GPC5: variants seen among roughly 807,000 people sequenced by gnomAD.
The protein encoded by GPC5 is glypican-5.
GPC5 carries 47 observed loss-of-function variants against 53.9 expected under a neutral mutation model. The observed-to-expected ratio is 0.87, with a 90% CI of 0.69 to 1.11. The LOEUF (loss-of-function observed/expected upper bound fraction) is 1.11, where lower values mean the gene tolerates loss of function less well. GPC5 is among the 50% of genes most tolerant of loss of function. The pLI is 0.00. For missense variants in GPC5, 748 were observed against 713.1 expected, an observed-to-expected ratio of 1.05 and a Z score of -0.56; for synonymous variants, 286 against 263.3, an observed-to-expected ratio of 1.09 and a Z score of -0.84.
At chr13:91,967,111 G>C (rs1370381673) in intron 6 of GPC5, among the ~76,000 whole-genome samples, 1 of 152,140 alleles carries the variant, frequency 6.6e-6, no homozygotes, top group Non-Finnish European at 1.5e-5. Context: ...CATGGCAGAA[G>C]GTGAAAGCCG....
intron 6 of GPC5, among the ~76,000 whole-genome samples, chr13:91,961,411 T>C (rs575211721): frequency 3.3e-4 from 50 of 152,086 alleles, no homozygotes; most frequent in African/African-American, 1.1e-3. Flanking sequence ...ACTTGATTGA[T>C]GCCCCAGGTG....
At chr13:92,372,998 A>T (rs2043663746) in intron 7 of GPC5, among the ~76,000 whole-genome samples, 1 of 152,226 alleles carries the variant, frequency 6.6e-6, no homozygotes, top group Non-Finnish European at 1.5e-5. Flanking sequence ...ATTATTTGGA[A>T]GCAGAATATT....
rs374681895 is a variant in GPC5 at position 92,215,452 on chromosome 13, G to C, written c.1561+70463G>C. On this transcript the variant is annotated intron_variant, in intron 7 of 7. Coordinates refer to ENST00000377067, the MANE Select transcript of GPC5 (RefSeq NM_004466.6). ...TGCTATTTGGCAAAGGAATCAAGTA[G>C]AAAGTAAAATAATTCATGTGGCTTG... Among the ~76,000 whole-genome samples, 305 of 152,286 alleles carry C rather than the reference G, an allele frequency of 2.0e-3. 1 individual carries two copies. Among genetic ancestry groups the C allele is most frequent in the African/African-American group, 7.0e-3 (289 of 41,568 alleles).
chr13:92,605,855 A>G (rs1003868295), intron 7 of GPC5, among the ~76,000 whole-genome samples: 6 of 152,090 alleles, frequency 3.9e-5, no homozygotes, highest in African/African-American at 1.2e-4. Context: ...GACTGGAAAA[A>G]AAAGAAAATA....
At chr13:91,639,750 T>A (rs1711802253) in intron 2 of GPC5, among the ~76,000 whole-genome samples, 1 of 152,238 alleles carries the variant, frequency 6.6e-6, no homozygotes, top group Non-Finnish European at 1.5e-5. Flanking sequence ...TTTTCTTCAT[T>A]GTGTTCCTAT....
At chr13:92,054,278 T>G (rs1010408200) in intron 6 of GPC5, among the ~76,000 whole-genome samples, 12 of 151,770 alleles carry the variant, frequency 7.9e-5, no homozygotes, top group African/African-American at 2.7e-4. Context: ...TACTTTTGAT[T>G]CTTCTAAAAA....
intron 7 of GPC5, among the ~76,000 whole-genome samples, chr13:92,486,165 A>C (rs772704597): frequency 3.9e-5 from 6 of 152,132 alleles, no homozygotes; most frequent in Non-Finnish European, 8.8e-5. Flanking sequence ...ACTGGAATTT[A>C]TCAGTGTCAT....
At chr13:91,694,864 T>A (rs899384031) in intron 3 of GPC5, among the ~76,000 whole-genome samples, 2 of 152,124 alleles carry the variant, frequency 1.3e-5, no homozygotes, top group African/African-American at 2.4e-5. Context: ...AGGCCTCAGC[T>A]TCCCAAAGTG....
intron 6 of GPC5, among the ~76,000 whole-genome samples, chr13:92,073,461 A>C (rs2138868978): frequency 6.6e-6 from 1 of 152,290 alleles, no homozygotes; most frequent in African/African-American, 2.4e-5. Context: ...TACTGGACAA[A>C]TGTAGGGCCT....
At chr13:91,611,851 C>T (rs999301275) in intron 2 of GPC5, among the ~76,000 whole-genome samples, 1 of 152,152 alleles carries the variant, frequency 6.6e-6, no homozygotes, top group Non-Finnish European at 1.5e-5. Context: ...TTTTTCCTTC[C>T]TGATGAGACA....
At chr13:91,400,766 C>T (rs934371669) in intron 1 of GPC5, among the ~76,000 whole-genome samples, 8 of 152,162 alleles carry the variant, frequency 5.3e-5, no homozygotes, top group Non-Finnish European at 8.8e-5. Context: ...TTTCTGGTAT[C>T]TGCTGAATGC....
chr13:91,966,710 G>A (rs542538877), intron 6 of GPC5, among the ~76,000 whole-genome samples: 19 of 152,278 alleles, frequency 1.2e-4, no homozygotes, highest in South Asian at 8.3e-4. Context: ...TTGATGAAAT[G>A]CATTCATGCA....
At chr13:91,497,418 T>C (rs957480920) in intron 2 of GPC5, among the ~76,000 whole-genome samples, 1 of 152,232 alleles carries the variant, frequency 6.6e-6, no homozygotes, top group African/African-American at 2.4e-5. Flanking sequence ...TAATGGCTCA[T>C]TATTTTTCTA....
At chr13:91,561,719 C>T (rs2031272273) in intron 2 of GPC5, among the ~76,000 whole-genome samples, 1 of 151,766 alleles carries the variant, frequency 6.6e-6, no homozygotes, top group Non-Finnish European at 1.5e-5. Context: ...CAATAACTGT[C>T]AGTAACTGTG....
At chr13:92,366,141 T>C (rs2043606010) in intron 7 of GPC5, among the ~76,000 whole-genome samples, 1 of 151,652 alleles carries the variant, frequency 6.6e-6, no homozygotes, top group Non-Finnish European at 1.5e-5. Context: ...GTGATAGGAA[T>C]TTTTAGCTGT....
At chr13:92,370,919 C>A (rs917792528) in intron 7 of GPC5, among the ~76,000 whole-genome samples, 1 of 152,078 alleles carries the variant, frequency 6.6e-6, no homozygotes, top group African/African-American at 2.4e-5. Context: ...GAGGCTGAGG[C>A]GGGCAGATCA....
In GPC5 at chr13:92,734,860, A is replaced by T. The variant is rs1370018389; in HGVS notation, c.1562-131422A>T. Among the ~76,000 whole-genome samples the T allele has an allele frequency of 1.1e-4, 17 of 151,844 alleles. No individual in the cohort carries two copies. The Admixed American group carries it at 1.1e-3, about 10-fold the overall frequency. On this transcript the variant is annotated intron_variant, in intron 7 of 7. Coordinates refer to ENST00000377067, the MANE Select transcript of GPC5 (RefSeq NM_004466.6). ...CTTTGCAGTCTTCCTAAAAGCATTCACTTTGTTATTCTTCTCTATTTTTCA... is the reference window on the plus strand; with the variant it reads ...CTTTGCAGTCTTCCTAAAAGCATTCTCTTTGTTATTCTTCTCTATTTTTCA...
chr13:91,719,174 T>C (rs1419022814), intron 3 of GPC5, among the ~76,000 whole-genome samples: 3 of 152,238 alleles, frequency 2.0e-5, no homozygotes, highest in Non-Finnish European at 4.4e-5. Context: ...TGCAAGTGAA[T>C]TGATTAAGGT....
intron 7 of GPC5, among the ~76,000 whole-genome samples, chr13:92,711,523 T>C (rs182121246): frequency 5.9e-4 from 89 of 152,114 alleles, no homozygotes; most frequent in African/African-American, 2.1e-3. Flanking sequence ...AATATCTCTG[T>C]CTCACTAATC....
Sources: allele counts gnomAD v4.1 joint callset (sites outside exome capture counted in the v4.1 genomes callset), GRCh38; gene constraint gnomAD v4.1.1; transcripts MANE v1.5; gene names NCBI Gene and HGNC (gene_info 2026-07-23, HGNC 2026-07-21).